The following NEDD1 variants were observed in gnomAD, a reference collection of about 807,000 sequenced individuals.
The protein encoded by NEDD1 is NEDD1 gamma-tubulin ring complex targeting factor, also known as protein NEDD1.
NEDD1 carries 33 observed loss-of-function variants against 74.0 expected under a neutral mutation model. The observed-to-expected ratio is 0.45, with a 90% CI of 0.34 to 0.60. NEDD1 has a LOEUF of 0.60. NEDD1 is among the 20% of genes least tolerant of loss of function. The probability of loss-of-function intolerance (pLI) is 0.01; values close to 1 mark genes in which losing one functional copy is unlikely to be tolerated. For synonymous variants in NEDD1, 250 were observed against 264.4 expected (o/e 0.95, Z 0.53); for missense variants, 746 against 776.5 (o/e 0.96, Z 0.47).
In NEDD1 at chr12:96,935,184, T is replaced by G; in HGVS notation, c.698T>G (p.Leu233Arg). 1.3e-6 allele frequency: 2 copies of G among 1,588,958 alleles called. No individual in the cohort carries two copies. Among genetic ancestry groups the G allele is most frequent in the Non-Finnish European group, 1.7e-6 (2 of 1,157,006 alleles). ...ATAGGCTTGGATAAAAGAATCATCC[T>G]CTATGACACTTCAAGTAAGAAGTAA... Reference protein sequence around the residue: ...VTIGLDKRIILYDTSSKKLVK... With the variant: ...VTIGLDKRIIRYDTSSKKLVK... Residue 233 changes from leucine (L) to arginine (R), a missense_variant, in exon 7 of 16, where the codon CTC (leucine) becomes CGC (arginine). Leu to Arg is a moderately radical substitution (Grantham distance 102). Around this residue, in one of 3 missense-constraint regions of NEDD1, gnomAD observed 706 missense variants for 706.7 expected, o/e 1.00. Transcript: ENST00000266742.
Position 96,953,680 on chromosome 12 carries a change from A to T in NEDD1, c.*1627A>T, listed in dbSNP as rs1418849408. Reference sequence around the variant, plus strand: ...GTAAGTATAAAAAATAAAATGTTATATGCAAAAAATAGGAAACATGAAATT... The same window carrying T: ...GTAAGTATAAAAAATAAAATGTTATTTGCAAAAAATAGGAAACATGAAATT... On this transcript the variant is annotated 3_prime_UTR_variant, in exon 16 of 16. Transcript: ENST00000266742. 6.6e-6 allele frequency: 1 copy of T among 151,888 alleles called. No individual in the cohort carries two copies. The highest frequency in any genetic ancestry group is 1.5e-5 in the Non-Finnish European group (1 of 67,834). 9.4% of individuals were successfully genotyped at this position (151,888 alleles called of 1,614,324 possible). A position where few individuals can be genotyped will look rare whatever the true frequency, so the allele number is the denominator to read the frequency against.
At chr12:96,937,451 T>G in intron 9 of NEDD1, 58 bp downstream of exon 9, 1 of 995,534 alleles carries the variant, frequency 1.0e-6, no homozygotes, top group South Asian at 2.1e-5. Flanking sequence ...GTTTTTTTGT[T>G]TTTGGCTTGC....
intron 4 of NEDD1, among the ~76,000 whole-genome samples, chr12:96,916,412 CT>C (rs1317763619): frequency 4.8e-5 from 5 of 105,064 alleles, no homozygotes; most frequent in African/African-American, 1.8e-4. Context: ...CCCCTCCCCC[CT>C]CCCCACCACA....
chr12:96,912,049 A>G (rs1014741227), intron 3 of NEDD1, among the ~76,000 whole-genome samples: 4 of 152,142 alleles, frequency 2.6e-5, no homozygotes, highest in Admixed American at 6.6e-5. Flanking sequence ...TAAAATAGTT[A>G]CTGTTTTGTG....
chr12:96,935,269 A>G, intron 7 of NEDD1, 64 bp downstream of exon 7: 2 of 988,418 alleles, frequency 2.0e-6, no homozygotes, highest in Non-Finnish European at 3.2e-6. Context: ...TAACAGGCAT[A>G]TTTGTGATTT....
chr12:96,912,066 G>A (rs1161958235), intron 3 of NEDD1, among the ~76,000 whole-genome samples: 3 of 151,854 alleles, frequency 2.0e-5, no homozygotes, highest in Non-Finnish European at 4.4e-5. Context: ...TGTGTTTACT[G>A]ATTGTTCCAT....
chr12:96,937,124 G>T, intron 8 of NEDD1, 74 bp from the exon 9 acceptor site: 3 of 806,158 alleles, frequency 3.7e-6, no homozygotes, highest in South Asian at 3.4e-5. Context: ...AATCTAACAG[G>T]GAATTTATAA....
chr12:96,946,886 C>T (rs1191575570), intron 14 of NEDD1, among the ~76,000 whole-genome samples: 1 of 152,210 alleles, frequency 6.6e-6, no homozygotes, highest in Admixed American at 6.5e-5. Flanking sequence ...TTCACTTCCT[C>T]TTGGCTTGGC....
At chr12:96,917,564 A>G in intron 4 of NEDD1, 57 bp from the exon 5 acceptor site, 1 of 1,456,274 alleles carries the variant, frequency 6.9e-7, no homozygotes, top group Non-Finnish European at 9.0e-7. Flanking sequence ...ATGAGACCTG[A>G]AAGTCAGCTC....
chr12:96,936,593 T>C lies in NEDD1; in HGVS notation c.720-18T>C, dbSNP rs1378581526. On this transcript the variant is annotated intron_variant, in intron 7 of 15. Coordinates refer to ENST00000266742, the MANE Select transcript of NEDD1 (RefSeq NM_152905.4). The stretch of plus-strand genomic sequence containing the variant: ...ACACACTAACATTTCTACACATACT[T>C]TGTTCTCCTTTCCAAAGGCTAGTGA... 1 of 1,576,476 alleles carries C rather than the reference T, an allele frequency of 6.3e-7. No homozygotes were observed. Among genetic ancestry groups the C allele is most frequent in the Non-Finnish European group, 8.7e-7 (1 of 1,145,880 alleles).
At chr12:96,907,473 G>C (rs1346199566) in intron 1 of NEDD1, 131 bp from the exon 2 acceptor site, 7 of 773,892 alleles carry the variant, frequency 9.0e-6, no homozygotes, top group Admixed American at 8.6e-5. Context: ...GCTGGGAAGT[G>C]TCCGGGGAGG....
intron 3 of NEDD1, among the ~76,000 whole-genome samples, chr12:96,910,737 C>G (rs1873834797): frequency 6.6e-6 from 1 of 152,170 alleles, no homozygotes; most frequent in South Asian, 2.1e-4. Context: ...TAGAGAACCA[C>G]TGCTGTGACC....
chr12:96,937,896 CTT>C (rs1877287070), intron 9 of NEDD1, among the ~76,000 whole-genome samples: 1 of 152,030 alleles, frequency 6.6e-6, no homozygotes, highest in South Asian at 2.1e-4. Flanking sequence ...TAAGCTTTCT[CTT>C]ATTGTAGAAA....
At chr12:96,937,986 A>G (rs1343554164) in intron 9 of NEDD1, among the ~76,000 whole-genome samples, 2 of 152,132 alleles carry the variant, frequency 1.3e-5, no homozygotes, top group East Asian at 1.9e-4. Flanking sequence ...AAGTTATGCT[A>G]TACTGTCAAC....
intron 6 of NEDD1, among the ~76,000 whole-genome samples, chr12:96,930,211 A>T (rs7296774): frequency 0.45 from 37,468 of 83,890 alleles, 6,659 homozygotes; most frequent in South Asian, 0.55. Flanking sequence ...ACACACACAC[A>T]CTCTCTCTCT....
chr12:96,939,232 A>G (rs546519657), intron 9 of NEDD1, among the ~76,000 whole-genome samples: 13 of 152,088 alleles, frequency 8.5e-5, no homozygotes, highest in African/African-American at 2.7e-4. Flanking sequence ...TTTAGAAGGA[A>G]ATCACCATTT....
chr12:96,946,693 G>T (rs954000435), intron 14 of NEDD1, among the ~76,000 whole-genome samples: 3 of 152,156 alleles, frequency 2.0e-5, no homozygotes, highest in African/African-American at 7.2e-5. Flanking sequence ...GTTGGGCTAG[G>T]TGCAGTGTGT....
intron 6 of NEDD1, 80 bp from the exon 7 acceptor site, chr12:96,934,896 G>T: frequency 1.1e-6 from 1 of 874,386 alleles, no homozygotes; most frequent in Non-Finnish European, 1.9e-6. Flanking sequence ...TAGTGTGGTT[G>T]GCCATAATTT....
chr12:96,928,888 C>T (rs945628502), intron 6 of NEDD1, among the ~76,000 whole-genome samples: 1 of 151,674 alleles, frequency 6.6e-6, no homozygotes, highest in Non-Finnish European at 1.5e-5. Flanking sequence ...ATGGAGGTTT[C>T]ACCACGTTGG....
Sources: allele counts gnomAD v4.1 joint callset (sites outside exome capture counted in the v4.1 genomes callset), GRCh38; gene constraint gnomAD v4.1.1; regional missense constraint gnomAD v4.1.1; transcripts MANE v1.5; gene names NCBI Gene and HGNC (gene_info 2026-07-23, HGNC 2026-07-21).